Variants in TCERG1L observed in about 807,000 individuals in gnomAD.
TCERG1L encodes the protein transcription elongation regulator 1 like, also known as transcription elongation regulator 1-like protein.
In TCERG1L, 37 loss-of-function variants were observed where a neutral mutation model predicts 56.3. That is an observed-to-expected ratio of 0.66 (90% CI 0.51 to 0.87). TCERG1L has a LOEUF of 0.87. TCERG1L is among the 40% of genes least tolerant of loss of function. The pLI is 0.00. For synonymous variants in TCERG1L, 324 were observed against 326.3 expected (o/e 0.99, Z 0.08); for missense variants, 799 against 774.2 (o/e 1.03, Z -0.38).
chr10:131,243,847 T>C (rs1217134857), intron 4 of TCERG1L, among the ~76,000 whole-genome samples: 1 of 152,096 alleles, frequency 6.6e-6, no homozygotes, highest in African/African-American at 2.4e-5. Flanking sequence ...AACAAAATCA[T>C]GAGATAGGTC....
chr10:131,195,771 G>A (rs1564812022), intron 4 of TCERG1L, among the ~76,000 whole-genome samples: 2 of 152,172 alleles, frequency 1.3e-5, no homozygotes, highest in South Asian at 2.1e-4. Context: ...TGCCATGGCC[G>A]GCCATGCTCA....
intron 4 of TCERG1L, among the ~76,000 whole-genome samples, chr10:131,177,794 C>T (rs997275496): frequency 4.6e-5 from 7 of 151,680 alleles, no homozygotes; most frequent in South Asian, 2.1e-4. Flanking sequence ...GCTCCTGGCA[C>T]GTGACTCTGG....
At chr10:131,286,486 A>C (rs1296947695) in intron 3 of TCERG1L, among the ~76,000 whole-genome samples, 1 of 152,214 alleles carries the variant, frequency 6.6e-6, no homozygotes, top group African/African-American at 2.4e-5. Context: ...CATTAACTGG[A>C]GCTAGGAGTG....
intron 9 of TCERG1L, among the ~76,000 whole-genome samples, chr10:131,115,249 A>G (rs1186236527): frequency 2.6e-5 from 4 of 152,202 alleles, no homozygotes; most frequent in African/African-American, 9.6e-5. Flanking sequence ...CACGGTGATC[A>G]CCCGGCAGCA....
intron 4 of TCERG1L, among the ~76,000 whole-genome samples, chr10:131,191,852 A>T (rs1371630506): frequency 1.8e-5 from 2 of 113,706 alleles, no homozygotes; most frequent in African/African-American, 6.5e-5. Flanking sequence ...GGGACAGAGC[A>T]AGACTCCGTC....
intron 4 of TCERG1L, among the ~76,000 whole-genome samples, chr10:131,204,148 A>G (rs1443788255): frequency 6.6e-6 from 1 of 152,182 alleles, no homozygotes; most frequent in African/African-American, 2.4e-5. Context: ...GCCATCTTGG[A>G]AGCCTGGTGG....
chr10:131,212,448 C>T (rs1845629043), intron 4 of TCERG1L, among the ~76,000 whole-genome samples: 1 of 152,192 alleles, frequency 6.6e-6, no homozygotes, highest in African/African-American at 2.4e-5. Flanking sequence ...TCCATTTATC[C>T]AGCCTAAATG....
intron 4 of TCERG1L, among the ~76,000 whole-genome samples, chr10:131,208,078 T>C (rs1845563239): frequency 6.6e-6 from 1 of 151,844 alleles, no homozygotes; most frequent in Non-Finnish European, 1.5e-5. Flanking sequence ...CCTAGCCCAC[T>C]ATCCCACATG....
At position 131,166,971 on chromosome 10, in the gene TCERG1L, T is replaced by C. The variant is rs1026422878; in HGVS notation, c.857-86A>G. 6 of 1,242,754 alleles carry C rather than the reference T, an allele frequency of 4.8e-6. No homozygotes were observed. In the Admixed American group the frequency reaches 1.3e-4, roughly 26 times the overall value. 77.0% of individuals were successfully genotyped at this position (1,242,754 alleles called of 1,614,324 possible). A position where few individuals can be genotyped will look rare whatever the true frequency, so the allele number is the denominator to read the frequency against. ...AGCAATCAAAGACAAAAAGTGGCCCTGAAGATTAGAATTGGTCAGTAGACA... is the reference window on the plus strand; with the variant it reads ...AGCAATCAAAGACAAAAAGTGGCCCCGAAGATTAGAATTGGTCAGTAGACA... On this transcript the variant is annotated intron_variant, in intron 4 of 11. Transcript: ENST00000368642.
At chr10:131,269,893 C>T (rs188129787) in intron 3 of TCERG1L, among the ~76,000 whole-genome samples, 2 of 152,304 alleles carry the variant, frequency 1.3e-5, no homozygotes, top group African/African-American at 4.8e-5. Context: ...AGAAGTGTGC[C>T]TGTGCCTACT....
rs1431363576 is a variant in TCERG1L at position 131,311,461 on chromosome 10, G to A, written c.175C>T (p.Pro59Ser). The change falls in exon 1 of 12, where the codon CCC becomes TCC. Residue 59 changes from proline to serine, a missense_variant. Transcript: ENST00000368642. This position sits in a 1 kb window ranked among gnomAD's most constrained non-coding sequence, Gnocchi z 4.0. The stretch of plus-strand genomic sequence containing the variant: ...GGGGCCGAGGCGAGCAGCACCGGGG[G>A]AACCACGACCCCCGCGCTGAGCCGG... Reference protein sequence around the residue: ...LLRLSAGVVVPPVLLASAPPP... With the variant: ...LLRLSAGVVVSPVLLASAPPP... 3.0e-5 allele frequency: 36 copies of A among 1,182,284 alleles called. No homozygotes were observed. The highest frequency in any genetic ancestry group is 3.5e-5 in the Non-Finnish European group (34 of 958,116). The allele number at this position is 1,182,284 out of a possible 1,614,324, so 73.2% of individuals were successfully genotyped here. A position where few individuals can be genotyped will look rare whatever the true frequency, so the allele number is the denominator to read the frequency against.
intron 3 of TCERG1L, among the ~76,000 whole-genome samples, chr10:131,289,251 G>A (rs1198615541): frequency 6.6e-6 from 1 of 151,970 alleles, no homozygotes; most frequent in Non-Finnish European, 1.5e-5. Flanking sequence ...TGACGGAGAA[G>A]AGTCTAACAG....
chr10:131,237,616 T>C (rs1589757656), intron 4 of TCERG1L, among the ~76,000 whole-genome samples: 1 of 152,296 alleles, frequency 6.6e-6, no homozygotes, highest in East Asian at 1.9e-4. Flanking sequence ...TTACAGTATA[T>C]TAAAAGAGTG....
intron 8 of TCERG1L, among the ~76,000 whole-genome samples, chr10:131,126,179 G>A (rs1015955102): frequency 3.3e-5 from 5 of 152,198 alleles, no homozygotes; most frequent in African/African-American, 1.2e-4. Context: ...GGCCAGACAG[G>A]CCCTACCGTG....
At chr10:131,259,621 C>T (rs973894060) in intron 4 of TCERG1L, among the ~76,000 whole-genome samples, 2 of 152,216 alleles carry the variant, frequency 1.3e-5, no homozygotes, top group Non-Finnish European at 2.9e-5. Flanking sequence ...AGTGCCTCAT[C>T]AATGCATCTC....
chr10:131,221,496 C>A (rs1011153037), intron 4 of TCERG1L, among the ~76,000 whole-genome samples: 2 of 152,216 alleles, frequency 1.3e-5, no homozygotes, highest in Admixed American at 6.5e-5. Flanking sequence ...GCGAGGAAAG[C>A]GGCGGTCTTC....
intron 3 of TCERG1L, among the ~76,000 whole-genome samples, chr10:131,291,205 T>C (rs912412076): frequency 6.6e-6 from 1 of 152,038 alleles, no homozygotes; most frequent in Non-Finnish European, 1.5e-5. Context: ...TATATAACAA[T>C]GATTGTAAAA....
chr10:131,308,219 G>A lies in TCERG1L; in HGVS notation c.662C>T (p.Pro221Leu). Residue 221 changes from proline to leucine, a missense_variant, in exon 3 of 12, where the codon CCC becomes CTC. Physicochemically the swap from Pro to Leu is moderately conservative, Grantham distance 98. Coordinates refer to ENST00000368642, the MANE Select transcript of TCERG1L (RefSeq NM_174937.4). ...GTTATTTGGGCACCAACCTGGGATG[G>A]GCTGAGGTGCTAACACCACCGTGGG... ...PLPTVVLAPQ[P>L]IPGGCHNSLK... The A allele has an allele frequency of 2.5e-6, 4 of 1,611,648 alleles. No homozygotes were observed. The highest frequency in any genetic ancestry group is 1.7e-4 in the Middle Eastern group (1 of 6,044).
chr10:131,213,793 G>A (rs1158491532), intron 4 of TCERG1L, among the ~76,000 whole-genome samples: 1 of 152,206 alleles, frequency 6.6e-6, no homozygotes, highest in Admixed American at 6.5e-5. Flanking sequence ...CCCTCAACCT[G>A]AGCTTAGGGC....
Sources: allele counts gnomAD v4.1 joint callset (sites outside exome capture counted in the v4.1 genomes callset), GRCh38; gene constraint gnomAD v4.1.1; non-coding constraint Gnocchi (gnomAD v3.1); transcripts MANE v1.5; gene names NCBI Gene and HGNC (gene_info 2026-07-23, HGNC 2026-07-21).